SLC44A5: variants seen among roughly 807,000 people sequenced by gnomAD.
SLC44A5 encodes the protein choline transporter-like protein 5.
SLC44A5 carries 57 observed loss-of-function variants against 101.8 expected under a neutral mutation model. The observed-to-expected ratio is 0.56, with a 90% CI of 0.45 to 0.70. The LOEUF (loss-of-function observed/expected upper bound fraction) is 0.70. SLC44A5 is among the 30% of genes least tolerant of loss of function. SLC44A5 has a pLI of 0.00. For synonymous variants in SLC44A5, 281 were observed against 290.9 expected, an observed-to-expected ratio of 0.97 and a Z score of 0.35; for missense variants, 737 against 853.1, an observed-to-expected ratio of 0.86 and a Z score of 1.70.
At chr1:75,335,046 G>A (rs561379510) in intron 4 of SLC44A5, among the ~76,000 whole-genome samples, 20 of 152,252 alleles carry the variant, frequency 1.3e-4, no homozygotes, top group Admixed American at 3.3e-4. Flanking sequence ...CCAGTCCACC[G>A]GTACTAATTT....
intron 4 of SLC44A5, among the ~76,000 whole-genome samples, chr1:75,314,749 T>C (rs555495157): frequency 6.6e-6 from 1 of 152,226 alleles, no homozygotes. Flanking sequence ...TTGAGCTCAA[T>C]GCTTTTCAGA....
At chr1:75,336,890 T>C (rs190742877) in intron 4 of SLC44A5, among the ~76,000 whole-genome samples, 7 of 152,218 alleles carry the variant, frequency 4.6e-5, no homozygotes, top group Non-Finnish European at 8.8e-5. Context: ...GTAATGCAAA[T>C]AGCGCAGAGA....
At chr1:75,478,306 T>C (rs1216808157) in intron 2 of SLC44A5, among the ~76,000 whole-genome samples, 3 of 152,072 alleles carry the variant, frequency 2.0e-5, no homozygotes, top group East Asian at 1.9e-4. Flanking sequence ...TCATGCCAAA[T>C]TGTAAAGACC....
chr1:75,528,646 T>G (rs1246233737), intron 2 of SLC44A5, among the ~76,000 whole-genome samples: 1 of 152,212 alleles, frequency 6.6e-6, no homozygotes, highest in African/African-American at 2.4e-5. Flanking sequence ...TACCATAAAA[T>G]GCATCTTTAA....
chr1:75,318,932 C>A (rs1431481831), intron 4 of SLC44A5, among the ~76,000 whole-genome samples: 1 of 152,102 alleles, frequency 6.6e-6, no homozygotes, highest in Non-Finnish European at 1.5e-5. Flanking sequence ...GTTCAAATAT[C>A]ACTCCCAACC....
intron 11 of SLC44A5, 61 bp downstream of exon 11, chr1:75,236,926 G>T: frequency 1.1e-6 from 1 of 892,174 alleles, no homozygotes; most frequent in Non-Finnish European, 1.8e-6. Context: ...TGAAGAAAGA[G>T]TTCTACAAAG....
At chr1:75,548,347 C>CTAACTTTATGAAATTTAATGATCTTT (rs1285777758) in intron 1 of SLC44A5, among the ~76,000 whole-genome samples, 1 of 152,006 alleles carries the variant, frequency 6.6e-6, no homozygotes, top group African/African-American at 2.4e-5. Flanking sequence ...ACTTTAGATG[C>CTAACTTTATGAAATTTAATGATCTTT]TAACTTTATG....
At chr1:75,717,820 C>T in the SLC44A5 span, among the ~76,000 whole-genome samples, 3 of 152,096 alleles carry the variant, frequency 2.0e-5, no homozygotes, top group African/African-American at 7.2e-5. Flanking sequence ...AAAGGGAGCC[C>T]CTGCTGGTCC....
chr1:75,339,709 C>T, intron 3 of SLC44A5, 79 bp from the exon 4 acceptor site: 2 of 1,308,290 alleles, frequency 1.5e-6, no homozygotes, highest in Non-Finnish European at 2.2e-6. Context: ...GAAATATCTA[C>T]ATATTGGTTA....
intron 2 of SLC44A5, among the ~76,000 whole-genome samples, chr1:75,475,489 T>TTATTACTTG (rs1350545040): frequency 6.6e-6 from 1 of 152,262 alleles, no homozygotes; most frequent in Non-Finnish European, 1.5e-5. Context: ...CGATATTTTA[T>TTATTACTTG]TATTACTTGT....
At chr1:75,615,937 C>T (rs1369163715), upstream of SLC44A5, 2 of 960,330 alleles carry the variant, frequency 2.1e-6, no homozygotes, top group Non-Finnish European at 2.5e-6. Flanking sequence ...CTCCGGCTGC[C>T]GCGCAGCTCC....
Position 75,453,767 on chromosome 1 carries a change from A to G in SLC44A5, c.14-57146T>C, listed in dbSNP as rs181729302. Among the ~76,000 whole-genome samples the G allele has an allele frequency of 4.0e-3, 612 of 152,260 alleles. 11 individuals carry two copies. The highest frequency in any genetic ancestry group is 8.5e-4 in the Non-Finnish European group (58 of 67,990). ...AAAAGACCCTCAGAGACTATTCTGA[A>G]TACCTTTATGCACAGAAACTAGAAA... is the stretch of plus-strand genomic sequence containing the variant. On this transcript the variant is annotated intron_variant, in intron 2 of 23. Transcript: ENST00000370859.
the SLC44A5 span, among the ~76,000 whole-genome samples, chr1:75,665,879 G>A: frequency 0.016 from 2,399 of 152,090 alleles, 73 homozygotes; most frequent in African/African-American, 0.053. Flanking sequence ...GCTCAACATC[G>A]CTAATGATCA....
intron 18 of SLC44A5, 135 bp from the exon 19 acceptor site, chr1:75,215,992 C>A: frequency 1.8e-6 from 1 of 557,812 alleles, no homozygotes; most frequent in Non-Finnish European, 3.2e-6. Context: ...TAAAATTTGC[C>A]ATTTTAACCA....
chr1:75,339,341 CACTT>C lies in SLC44A5; in HGVS notation c.101+237_101+240del, dbSNP rs538075600. 4.7e-3 allele frequency among the ~76,000 whole-genome samples: 709 copies of C among 152,068 alleles called. 4 individuals carry two copies. The highest frequency in any genetic ancestry group is 0.015 in the South Asian group (71 of 4,822). ...CACTTCTCTTTTTGAAAAGTACAAA[CACTT>C]AGTTTAATAATGTAAGGCAGTTCAT... On this transcript the variant is annotated intron_variant, in intron 4 of 23. Coordinates refer to ENST00000370859, the MANE Select transcript of SLC44A5 (RefSeq NM_001130058.2).
the SLC44A5 span, among the ~76,000 whole-genome samples, chr1:75,695,719 CTT>C: frequency 1.8e-3 from 259 of 147,408 alleles, no homozygotes; most frequent in Middle Eastern, 3.6e-3. Context: ...AAATATATGA[CTT>C]ATATATGTAT....
intron 2 of SLC44A5, among the ~76,000 whole-genome samples, chr1:75,422,640 G>A (rs1664077649): frequency 6.6e-6 from 1 of 152,158 alleles, no homozygotes; most frequent in Non-Finnish European, 1.5e-5. Context: ...CAAAAATAGG[G>A]ATTTGGAATG....
At chr1:75,203,953 T>C in intron 23 of SLC44A5, 120 bp from the exon 24 acceptor site, 1 of 1,272,230 alleles carries the variant, frequency 7.9e-7, no homozygotes, top group Non-Finnish European at 1.0e-6. Context: ...TTTTTTTTGT[T>C]GTTGTTTTTT....
intron 2 of SLC44A5, among the ~76,000 whole-genome samples, chr1:75,463,259 A>G (rs971243387): frequency 6.6e-6 from 1 of 152,028 alleles, no homozygotes. Context: ...GTCTCTACTA[A>G]AAATACAAAA....
Sources: gnomAD v4.1 joint callset for allele counts (sites outside exome capture counted in the v4.1 genomes callset) on GRCh38, gnomAD v4.1.1 for gene constraint, MANE v1.5 for transcripts, NCBI Gene and HGNC (gene_info 2026-07-23, HGNC 2026-07-21) for gene names.